The following DLEC1 variants were observed in gnomAD, a reference collection of about 807,000 sequenced individuals.
The protein encoded by DLEC1 is DLEC1 cilia and flagella associated protein.
In DLEC1, 146 loss-of-function variants were observed where a neutral mutation model predicts 198.1. The ratio of observed to expected loss-of-function variants is 0.74; its 90% CI spans 0.64 to 0.85. DLEC1 has a LOEUF of 0.85. DLEC1 is among the 40% of genes least tolerant of loss of function. The pLI is 0.00. For synonymous variants in DLEC1, 897 were observed against 866.8 expected (o/e 1.03, Z -0.61); for missense variants, 2,233 against 2,220.0 (o/e 1.01, Z -0.12).
chr3:38,109,827 G>A lies in DLEC1; in HGVS notation c.3260+265G>A. The A allele has an allele frequency of 7.1e-6, 5 of 705,354 alleles. No homozygotes were observed. In the South Asian group the frequency reaches 7.8e-5, roughly 11 times the overall value. 43.7% of individuals were successfully genotyped at this position (705,354 alleles called of 1,614,324 possible). On this transcript the variant is annotated intron_variant, in intron 22 of 36. Coordinates refer to ENST00000308059, the MANE Select transcript of DLEC1 (RefSeq NM_007335.4). ...GAGATGGCAGGGGACAGGGCTGTAG[G>A]TACCCTGGGCTTGCCCACATGAGGC...
intron 6 of DLEC1, among the ~76,000 whole-genome samples, chr3:38,081,642 C>G (rs1267357265): frequency 1.1e-5 from 1 of 87,882 alleles, no homozygotes; most frequent in Admixed American, 1.1e-4. Flanking sequence ...CCCTCCCGGA[C>G]GGGGCGGCTG....
intron 33 of DLEC1, among the ~76,000 whole-genome samples, chr3:38,120,062 G>A (rs1048110345): frequency 1.6e-4 from 24 of 152,176 alleles, no homozygotes; most frequent in African/African-American, 5.3e-4. Context: ...ACACTCATGT[G>A]TGGTCTGCAG....
At chr3:38,100,941 T>G (rs932399817) in intron 19 of DLEC1, among the ~76,000 whole-genome samples, 2 of 151,854 alleles carry the variant, frequency 1.3e-5, no homozygotes, top group Non-Finnish European at 2.9e-5. Context: ...ATTGGTAGTA[T>G]TCCTTTTTTT....
chr3:38,070,666 GGTTT>G (rs1316611720), intron 6 of DLEC1, among the ~76,000 whole-genome samples: 1 of 152,114 alleles, frequency 6.6e-6, no homozygotes, highest in Non-Finnish European at 1.5e-5. Context: ...AGTCAAAGGG[GGTTT>G]GTTCTCTGGC....
chr3:38,088,873 C>G (rs1037126206), intron 10 of DLEC1, among the ~76,000 whole-genome samples: 5 of 152,136 alleles, frequency 3.3e-5, no homozygotes, highest in African/African-American at 9.7e-5. Flanking sequence ...GTGGTCTGCC[C>G]CTGGCTGTGG....
rs1418618919 is a variant in DLEC1 at position 38,063,835 on chromosome 3, C to T, written c.1095-6C>T. On this transcript the variant is annotated splice_polypyrimidine_tract_variant and splice_region_variant and intron_variant, in intron 5 of 36. Coordinates refer to ENST00000308059, the MANE Select transcript of DLEC1 (RefSeq NM_007335.4). ...GCCTTTCTCCCCCTCTTTTTTCATCCCACAGTTGTGCTGATACTCCAGTGT... is the reference window on the plus strand; with the variant it reads ...GCCTTTCTCCCCCTCTTTTTTCATCTCACAGTTGTGCTGATACTCCAGTGT... 4.3e-6 allele frequency: 7 copies of T among 1,611,460 alleles called. No individual in the cohort carries two copies. In the African/African-American group the frequency reaches 8.0e-5, roughly 18 times the overall value.
chr3:38,078,483 AAGG>A (rs1400406490), intron 6 of DLEC1, among the ~76,000 whole-genome samples: 1 of 152,272 alleles, frequency 6.6e-6, no homozygotes, highest in East Asian at 1.9e-4. Context: ...CTAGGAAGGA[AAGG>A]AGTTGTTGTT....
At chr3:38,062,400 T>TG in intron 4 of DLEC1, 32 bp downstream of exon 4, 1 of 1,613,238 alleles carries the variant, frequency 6.2e-7, no homozygotes. Context: ...GAGCAGTGTT[T>TG]GGGGGGACAG....
chr3:38,118,318 T>C (rs895200842), intron 33 of DLEC1, among the ~76,000 whole-genome samples: 1 of 152,178 alleles, frequency 6.6e-6, no homozygotes, highest in East Asian at 1.9e-4. Flanking sequence ...TCCCCACTGC[T>C]GAGATGCTGG....
At position 38,117,321 on chromosome 3, in the gene DLEC1, C is replaced by G. The variant is rs1177459137; in HGVS notation, c.4400+19C>G. Reference sequence around the variant, plus strand: ...CTGCACAGTGAGTCAGCTGGGGTGCCCCATCTCCTTTCATCCCCATGGGGT... The same window carrying G: ...CTGCACAGTGAGTCAGCTGGGGTGCGCCATCTCCTTTCATCCCCATGGGGT... On this transcript the variant is annotated intron_variant, in intron 31 of 36. Coordinates refer to ENST00000308059, the MANE Select transcript of DLEC1 (RefSeq NM_007335.4). The G allele has an allele frequency of 3.1e-6, 5 of 1,612,968 alleles. No individual in the cohort carries two copies. Among genetic ancestry groups the G allele is most frequent in the Non-Finnish European group, 4.2e-6 (5 of 1,179,468 alleles).
At chr3:38,092,445 T>C (rs535373485) in intron 10 of DLEC1, among the ~76,000 whole-genome samples, 2 of 152,352 alleles carry the variant, frequency 1.3e-5, no homozygotes, top group South Asian at 4.1e-4. Context: ...GCTCACCTTC[T>C]GCTCTTTGCC....
At chr3:38,095,124 C>T in intron 13 of DLEC1, 53 bp downstream of exon 13, 3 of 1,588,098 alleles carry the variant, frequency 1.9e-6, no homozygotes, top group Non-Finnish European at 1.7e-6. Context: ...TGTATTTAGA[C>T]CCCCCACCTG....
chr3:38,060,468 T>C (rs375756488), intron 3 of DLEC1, among the ~76,000 whole-genome samples: 4 of 152,188 alleles, frequency 2.6e-5, no homozygotes, highest in Admixed American at 2.6e-4. Flanking sequence ...GTTATCGGGA[T>C]TGCCTAGCAT....
intron 6 of DLEC1, among the ~76,000 whole-genome samples, chr3:38,079,972 G>C (rs187760013): frequency 1.3e-5 from 2 of 152,018 alleles, no homozygotes; most frequent in Non-Finnish European, 2.9e-5. Context: ...GAGCGGATTG[G>C]GTAATAAAAT....
At chr3:38,080,508 C>T (rs924991000) in intron 6 of DLEC1, among the ~76,000 whole-genome samples, 15 of 152,214 alleles carry the variant, frequency 9.9e-5, no homozygotes, top group African/African-American at 1.7e-4. Context: ...CACCTCAGAC[C>T]GTTTGCCTAT....
In DLEC1 at chr3:38,120,622, C is replaced by A. The variant is rs879129359; in HGVS notation, c.4866+13C>A. The A allele has an allele frequency of 1.9e-6, 3 of 1,612,568 alleles. No individual in the cohort carries two copies. On this transcript the variant is annotated intron_variant, in intron 34 of 36. Transcript: ENST00000308059. ...CCAGACCACTCAGGCACGCCCCAGG[C>A]CCACCTACATGTGGAGGAGGGTGGA...
At chr3:38,093,018 C>G (rs1559439276) in intron 11 of DLEC1, 138 bp downstream of exon 11, 3 of 811,330 alleles carry the variant, frequency 3.7e-6, no homozygotes, top group Non-Finnish European at 6.0e-6. Context: ...GCTGCAGCCT[C>G]CAGGTGCCAG....
chr3:38,084,162 T>C lies in DLEC1; in HGVS notation c.1178T>C (p.Val393Ala), dbSNP rs1297069553. ...DYEIGPVYEM[V>A]IALQNTTTTS... ...GATCATCTTACCTTTCAACAGATGG[T>C]AATTGCGCTGCAGAACACCACCACG... The change falls in exon 7 of 37, where the codon GTA becomes GCA. Residue 393 changes from valine (V) to alanine (A), a missense_variant. Coordinates refer to ENST00000308059, the MANE Select transcript of DLEC1 (RefSeq NM_007335.4). 1.9e-6 allele frequency: 3 copies of C among 1,612,778 alleles called. No individual in the cohort carries two copies. Among genetic ancestry groups the C allele is most frequent in the Non-Finnish European group, 2.5e-6 (3 of 1,179,096 alleles).
intron 2 of DLEC1, among the ~76,000 whole-genome samples, chr3:38,056,239 G>C (rs1696365878): frequency 1.3e-5 from 2 of 151,040 alleles, no homozygotes; most frequent in Non-Finnish European, 2.9e-5. Context: ...CTCCAGCCTG[G>C]GTGATAGAAT....
Sources: allele counts gnomAD v4.1 joint callset (sites outside exome capture counted in the v4.1 genomes callset), GRCh38; gene constraint gnomAD v4.1.1; transcripts MANE v1.5; gene names NCBI Gene and HGNC (gene_info 2026-07-23, HGNC 2026-07-21).